The following UTRN variants were observed in gnomAD, a reference collection of about 807,000 sequenced individuals.
The protein encoded by UTRN is utrophin.
A neutral mutation model predicts 463.9 loss-of-function variants in UTRN; 283 were observed. The ratio of observed to expected loss-of-function variants is 0.61; its 90% CI spans 0.55 to 0.67. The LOEUF (loss-of-function observed/expected upper bound fraction) is 0.67. Among genes scored for constraint, UTRN ranks in the 30% least tolerant of loss-of-function variants. The pLI is 0.00. For missense variants in UTRN, 3,922 were observed against 4,084.3 expected (o/e 0.96, Z 1.08); for synonymous variants, 1,442 against 1,431.5 (o/e 1.01, Z -0.17).
chr6:144,545,796 G>T (rs1374577325), intron 46 of UTRN, among the ~76,000 whole-genome samples: 1 of 152,198 alleles, frequency 6.6e-6, no homozygotes, highest in Admixed American at 6.5e-5. Flanking sequence ...AAGGCGGGTG[G>T]ATCACCTGAG....
At chr6:144,523,347 TCACC>T (rs1796279598) in intron 41 of UTRN, among the ~76,000 whole-genome samples, 159 bp downstream of exon 41, 1 of 152,174 alleles carries the variant, frequency 6.6e-6, no homozygotes, top group Non-Finnish European at 1.5e-5. Flanking sequence ...TCTTGCTCTG[TCACC>T]CAGGCTGGGG....
At position 144,471,233 on chromosome 6, in the gene UTRN, G is replaced by C. The variant is rs77147029; in HGVS notation, c.3067-2487G>C. Among the ~76,000 whole-genome samples, 134 of 152,126 alleles carry C rather than the reference G, an allele frequency of 8.8e-4. 1 individual carries two copies. Among genetic ancestry groups the C allele is most frequent in the East Asian group, 8.7e-3 (45 of 5,174 alleles). Reference sequence around the variant, plus strand: ...GAGAGAGGGTGGGAAGGAGGGAGGAGGGAAGGCTGTTGAGGCCATAAAACT... The same window carrying C: ...GAGAGAGGGTGGGAAGGAGGGAGGACGGAAGGCTGTTGAGGCCATAAAACT... On this transcript the variant is annotated intron_variant, in intron 23 of 74. Coordinates refer to ENST00000367545, the MANE Select transcript of UTRN (RefSeq NM_007124.3).
intron 48 of UTRN, among the ~76,000 whole-genome samples, chr6:144,551,329 T>C (rs1005088770): frequency 6.6e-6 from 1 of 152,206 alleles, no homozygotes; most frequent in Non-Finnish European, 1.5e-5. Context: ...GACTCTTAAG[T>C]AATTACTTAC....
rs868382624 is a variant in UTRN, at chr6:144,403,174, G to A, written c.131G>A (p.Arg44Gln). 2 of 1,612,924 alleles carry A rather than the reference G, an allele frequency of 1.2e-6. No homozygotes were observed. Among genetic ancestry groups the A allele is most frequent in the Admixed American group, 1.7e-5 (1 of 59,904 alleles). ...ACCTTTACCAAATGGATAAATGCTC[G>A]ATTTTCAAAGGTAACTGAGACTTTC... ...KKTFTKWINA[R>Q]FSKSGKPPIN... The change falls in exon 3 of 75, where the codon CGA becomes CAA. Residue 44 changes from arginine to glutamine, a missense_variant. This residue lies in a region of UTRN where 264 missense variants were observed against 327.9 expected (regional missense o/e 0.81). Coordinates refer to ENST00000367545, the MANE Select transcript of UTRN (RefSeq NM_007124.3).
chr6:144,737,853 T>G (rs957723760), intron 54 of UTRN, among the ~76,000 whole-genome samples: 8 of 152,018 alleles, frequency 5.3e-5, no homozygotes, highest in Non-Finnish European at 8.8e-5. Context: ...TTTTAATCCC[T>G]AGTTTGTATG....
At chr6:144,319,703 G>A (rs1472153978) in intron 2 of UTRN, among the ~76,000 whole-genome samples, 1 of 152,128 alleles carries the variant, frequency 6.6e-6, no homozygotes, top group East Asian at 1.9e-4. Flanking sequence ...GAGTAGCTGG[G>A]ACCACAGGCA....
intron 52 of UTRN, among the ~76,000 whole-genome samples, chr6:144,684,809 T>C (rs1041345113): frequency 2.0e-5 from 3 of 152,212 alleles, no homozygotes; most frequent in African/African-American, 4.8e-5. Context: ...GTCTATCTAC[T>C]GTTATTTAAC....
At chr6:144,754,930 A>T in intron 57 of UTRN, 132 bp downstream of exon 57, 1 of 766,420 alleles carries the variant, frequency 1.3e-6, no homozygotes, top group African/African-American at 1.8e-5. Flanking sequence ...AGGTACTAAC[A>T]TCAAAGAAAA....
At chr6:144,756,017 C>T (rs1791951787) in intron 57 of UTRN, among the ~76,000 whole-genome samples, 1 of 151,996 alleles carries the variant, frequency 6.6e-6, no homozygotes, top group African/African-American at 2.4e-5. Flanking sequence ...TTTTCTGTTT[C>T]ACAAACCTTA....
chr6:144,532,966 T>C (rs1488105598), intron 42 of UTRN, 119 bp from the exon 43 acceptor site: 1 of 493,340 alleles, frequency 2.0e-6, no homozygotes, highest in East Asian at 3.3e-5. Context: ...ACATAAAATA[T>C]CTTTCCAGGA....
At chr6:144,331,118 A>C in intron 2 of UTRN, 1 of 766,126 alleles carries the variant, frequency 1.3e-6, no homozygotes, top group Non-Finnish European at 1.6e-6. Flanking sequence ...TGTGAAAATT[A>C]CTGAGTTAAC....
rs148339426 is a variant in UTRN at position 144,834,403 on chromosome 6, T to C, written c.9666-1377T>C. On this transcript the variant is annotated intron_variant, in intron 69 of 74. Coordinates refer to ENST00000367545, the MANE Select transcript of UTRN (RefSeq NM_007124.3). ...ATCAACAAGTGGCACATCTGAACTT[T>C]TGCTTTGGCTGTTTGACAAGCATAA... Among the ~76,000 whole-genome samples, 58 of 152,304 alleles carry C rather than the reference T, an allele frequency of 3.8e-4. No individual in the cohort carries two copies. The East Asian group carries it at 0.01, about 27-fold the overall frequency.
chr6:144,819,911 C>CCTCCTCCTCCTCCTCCTGT lies in UTRN; in HGVS notation c.9358-968_9358-967insCTCCTCCTCCTCCTGTCTC, dbSNP rs11397588. On this transcript the variant is annotated intron_variant, in intron 65 of 74. Coordinates refer to ENST00000367545, the MANE Select transcript of UTRN (RefSeq NM_007124.3). Reference sequence around the variant, plus strand: ...TCCTCCTCCTCCTCCTCCTCCTCCTCCTCTCTCTCTCTCTCTCTCTCTTTC... The same window carrying CCTCCTCCTCCTCCTCCTGT: ...TCCTCCTCCTCCTCCTCCTCCTCCTCCTCCTCCTCCTCCTCCTGTCTCTCTCTCTCTCTCTCTCTCTTTC... Among the ~76,000 whole-genome samples the CCTCCTCCTCCTCCTCCTGT allele has an allele frequency of 4.2e-5, 5 of 118,610 alleles. No individual in the cohort carries two copies. The East Asian group carries it at 1.3e-3, about 30-fold the overall frequency. 77.8% of individuals were successfully genotyped at this position (118,610 alleles called of 152,430 possible). A position where few individuals can be genotyped will look rare whatever the true frequency, so the allele number is the denominator to read the frequency against.
Position 144,685,685 on chromosome 6 carries a change from T to G in UTRN, c.7652+7107T>G, listed in dbSNP as rs187922534. On this transcript the variant is annotated intron_variant, in intron 52 of 74. Coordinates refer to ENST00000367545, the MANE Select transcript of UTRN (RefSeq NM_007124.3). ...TTCTTTTGAGAAATGTCTAATCATGTCATTTGCCCACTTTTTAGTAGGATT... is the reference window on the plus strand; with the variant it reads ...TTCTTTTGAGAAATGTCTAATCATGGCATTTGCCCACTTTTTAGTAGGATT... Among the ~76,000 whole-genome samples the G allele has an allele frequency of 1.3e-3, 203 of 152,322 alleles. 2 individuals are homozygous for G. The highest frequency in any genetic ancestry group is 4.0e-3 in the Admixed American group (61 of 15,298).
chr6:144,512,036 G>A (rs889283921), intron 35 of UTRN, among the ~76,000 whole-genome samples: 1 of 151,932 alleles, frequency 6.6e-6, no homozygotes, highest in African/African-American at 2.4e-5. Flanking sequence ...AAGAGCATGG[G>A]CTTTGCTCTT....
At position 144,488,840 on chromosome 6, in the gene UTRN, G is replaced by A. The variant is rs1792740283; in HGVS notation, c.4134+6G>A. 6.3e-7 allele frequency: 1 copy of A among 1,584,564 alleles called. No individual in the cohort carries two copies. Among genetic ancestry groups the A allele is most frequent in the South Asian group, 1.2e-5 (1 of 86,364 alleles). ...AAGTTCCACAGGAAGCTCAGGTATT[G>A]CCGTGCATTTGAGGGCTTTTGAGCT... is the stretch of plus-strand genomic sequence containing the variant. On this transcript the variant is annotated splice_donor_region_variant and intron_variant, in intron 30 of 74. Coordinates refer to ENST00000367545, the MANE Select transcript of UTRN (RefSeq NM_007124.3).
At chr6:144,554,125 G>T (rs1404052225) in intron 48 of UTRN, among the ~76,000 whole-genome samples, 2 of 152,122 alleles carry the variant, frequency 1.3e-5, no homozygotes, top group Non-Finnish European at 2.9e-5. Flanking sequence ...CAGTTCATGA[G>T]TCTCTTTTAC....
chr6:144,607,337 G>A (rs918313287), intron 51 of UTRN, among the ~76,000 whole-genome samples: 1 of 152,172 alleles, frequency 6.6e-6, no homozygotes, highest in African/African-American at 2.4e-5. Flanking sequence ...TTCCTTTGGA[G>A]CTGCACGATG....
At chr6:144,799,286 A>C (rs372369269) in intron 64 of UTRN, 1 of 349,528 alleles carries the variant, frequency 2.9e-6, no homozygotes, top group African/African-American at 2.2e-5. Context: ...CTCTTCTCTC[A>C]TGCATTATGG....
Sources: allele counts gnomAD v4.1 joint callset (sites outside exome capture counted in the v4.1 genomes callset), GRCh38; gene constraint gnomAD v4.1.1; regional missense constraint gnomAD v4.1.1; transcripts MANE v1.5; gene names NCBI Gene and HGNC (gene_info 2026-07-23, HGNC 2026-07-21).